ACSBG2: variants seen among roughly 807,000 people sequenced by gnomAD.
The protein encoded by ACSBG2 is acyl-CoA synthetase bubblegum family member 2.
A neutral mutation model predicts 74.7 loss-of-function variants in ACSBG2; 62 were observed. That is an observed-to-expected ratio of 0.83 (90% CI 0.68 to 1.03). The LOEUF (loss-of-function observed/expected upper bound fraction) is 1.03. ACSBG2 is among the 50% of genes least tolerant of loss of function. The pLI is 0.00. For missense variants in ACSBG2, 730 were observed against 817.6 expected (o/e 0.89, Z 1.31); for synonymous variants, 309 against 294.1 (o/e 1.05, Z -0.52).
chr19:6,156,069 C>T (rs977974305), intron 4 of ACSBG2, among the ~76,000 whole-genome samples: 4 of 152,032 alleles, frequency 2.6e-5, no homozygotes, highest in African/African-American at 7.2e-5. Flanking sequence ...CCTGCAAGCA[C>T]AAAAGGCTGT....
intron 13 of ACSBG2, chr19:6,190,286 T>C: frequency 3.4e-6 from 1 of 298,266 alleles, no homozygotes; most frequent in Non-Finnish European, 6.6e-6. Flanking sequence ...AAAATGGGGA[T>C]AGGGGTATGG....
chr19:6,182,736 CTTCG>C lies in ACSBG2; in HGVS notation c.907-11_907-8del, dbSNP rs2090294273. On this transcript the variant is annotated splice_polypyrimidine_tract_variant and intron_variant, in intron 8 of 14. Coordinates refer to ENST00000588485, the MANE Select transcript of ACSBG2 (RefSeq NM_030924.5). ...GAAGGCCCTGCTGTGGCTAACCTAG[CTTCG>C]TTCCATACAGGGCACCTTGGTAAGT... The C allele has an allele frequency of 6.2e-7, 1 of 1,611,876 alleles. No homozygotes were observed. The highest frequency in any genetic ancestry group is 8.5e-7 in the Non-Finnish European group (1 of 1,178,676).
Position 6,182,924 on chromosome 19 carries a change from G to C in ACSBG2, c.1080G>C (p.Lys360Asn). 2 of 1,614,154 alleles carry C rather than the reference G, an allele frequency of 1.2e-6. No homozygotes were observed. The highest frequency in any genetic ancestry group is 1.7e-6 in the Non-Finnish European group (2 of 1,179,990). The change falls in exon 9 of 15, where the codon AAG becomes AAC. Residue 360 changes from lysine to asparagine, a missense_variant. Physicochemically the swap from Lys to Asn is moderately conservative, Grantham distance 94 (BLOSUM62 0). Transcript: ENST00000588485. ...RNIGFKVNSK[K>N]MLGKYNTPVS... The stretch of plus-strand genomic sequence containing the variant: ...TTGGCTTCAAGGTCAACTCAAAAAA[G>C]ATGTTGGGGTAGGTGGAGCATCCAG...
chr19:6,191,735 A>T (rs552240045), intron 14 of ACSBG2: 1 of 152,288 alleles, frequency 6.6e-6, no homozygotes, highest in Non-Finnish European at 1.5e-5. Context: ...TCAACATGTG[A>T]ATTGTGGAGG....
chr19:6,177,389 C>A lies in ACSBG2; in HGVS notation c.899C>A (p.Ala300Asp), dbSNP rs2090115919. Residue 300 changes from alanine to aspartate, a missense_variant, in exon 8 of 15, where the codon GCT becomes GAT. Coordinates refer to ENST00000588485, the MANE Select transcript of ACSBG2 (RefSeq NM_030924.5). Reference sequence around the variant, plus strand: ...CTCACATACTTTGCTCAAGCAGATGCTCTCAAGGTAAGATTGAGTAAGGAC... The same window carrying A: ...CTCACATACTTTGCTCAAGCAGATGATCTCAAGGTAAGATTGAGTAAGGAC... Reference protein sequence around the residue: ...GALTYFAQADALKGTLVSTLK... With the variant: ...GALTYFAQADDLKGTLVSTLK... The A allele has an allele frequency of 6.3e-7, 1 of 1,597,518 alleles. No homozygotes were observed. The highest frequency in any genetic ancestry group is 8.5e-7 in the Non-Finnish European group (1 of 1,172,396).
At chr19:6,136,796 C>T (rs1005851973) in intron 1 of ACSBG2, among the ~76,000 whole-genome samples, 1 of 151,966 alleles carries the variant, frequency 6.6e-6, no homozygotes, top group Non-Finnish European at 1.5e-5. Flanking sequence ...TTACTAGTAA[C>T]TTACAAGTCC....
intron 8 of ACSBG2, among the ~76,000 whole-genome samples, chr19:6,178,352 C>G (rs528491482): frequency 6.6e-6 from 1 of 151,816 alleles, no homozygotes; most frequent in East Asian, 1.9e-4. Flanking sequence ...CAATAGTCTC[C>G]AAATGTTCAA....
chr19:6,146,776 AC>A (rs1353525223), intron 2 of ACSBG2, among the ~76,000 whole-genome samples: 2 of 149,348 alleles, frequency 1.3e-5, no homozygotes, highest in African/African-American at 4.9e-5. Flanking sequence ...AAAAACAAAA[AC>A]AAAACAAAAC....
At chr19:6,158,844 G>A (rs1397625823) in intron 5 of ACSBG2, among the ~76,000 whole-genome samples, 1 of 152,090 alleles carries the variant, frequency 6.6e-6, no homozygotes, top group Non-Finnish European at 1.5e-5. Flanking sequence ...TCTCCTGCCT[G>A]GCTTCCTTTG....
chr19:6,182,530 A>G (rs1329232380), intron 8 of ACSBG2, among the ~76,000 whole-genome samples: 1 of 152,164 alleles, frequency 6.6e-6, no homozygotes, highest in Non-Finnish European at 1.5e-5. Context: ...ACCTTCCAAA[A>G]ATATTTTACC....
chr19:6,156,284 T>G (rs1021324402), intron 4 of ACSBG2, 147 bp from the exon 5 acceptor site: 16 of 755,760 alleles, frequency 2.1e-5, no homozygotes, highest in Non-Finnish European at 2.8e-5. Context: ...GTCTTCATCA[T>G]TGTTAAGTTG....
Position 6,183,086 on chromosome 19 carries a change from T to C in ACSBG2, c.1136T>C (p.Phe379Ser), listed in dbSNP as rs1404639860. Residue 379 changes from phenylalanine to serine, a missense_variant, in exon 10 of 15, where the codon TTC becomes TCC. By Grantham distance (155) the Phe-to-Ser change is radical. Coordinates refer to ENST00000588485, the MANE Select transcript of ACSBG2 (RefSeq NM_030924.5). ...VSYRMAKTLV[F>S]SKVKTSLGLD... ...TACCGCATGGCTAAGACTCTCGTGT[T>C]CAGCAAAGTCAAGACATCCCTTGGC... is the stretch of plus-strand genomic sequence containing the variant. 1 of 1,614,206 alleles carries C rather than the reference T, an allele frequency of 6.2e-7. No homozygotes were observed. The highest frequency in any genetic ancestry group is 1.7e-5 in the Admixed American group (1 of 60,022).
At chr19:6,154,168 G>A (rs1171118880) in intron 4 of ACSBG2, among the ~76,000 whole-genome samples, 1 of 151,566 alleles carries the variant, frequency 6.6e-6, no homozygotes, top group African/African-American at 2.4e-5. Context: ...CTTTGGGAGT[G>A]GAACACCTGA....
chr19:6,167,135 G>A (rs1413436987), intron 7 of ACSBG2, among the ~76,000 whole-genome samples: 14 of 152,158 alleles, frequency 9.2e-5, no homozygotes, highest in Non-Finnish European at 1.5e-5. Context: ...TTTAAATGAA[G>A]AATTTCTATA....
chr19:6,156,786 ATT>A (rs113271517), intron 5 of ACSBG2, among the ~76,000 whole-genome samples: 7,890 of 128,440 alleles, frequency 0.061, 524 homozygotes, highest in African/African-American at 0.2. Flanking sequence ...CTCAGCCTCC[ATT>A]TTTTTTTTTT....
intron 5 of ACSBG2, among the ~76,000 whole-genome samples, chr19:6,158,060 CTTT>C (rs11359693): frequency 3.0e-5 from 4 of 132,394 alleles, no homozygotes; most frequent in South Asian, 2.4e-4. Flanking sequence ...CTTTTTTTTT[CTTT>C]TTTTTTTTTT....
chr19:6,149,804 G>A (rs2089169974), intron 3 of ACSBG2, among the ~76,000 whole-genome samples: 1 of 144,190 alleles, frequency 6.9e-6, no homozygotes, highest in South Asian at 2.1e-4. Context: ...CACCACACCT[G>A]GCCTCAAGAG....
At chr19:6,184,252 G>A (rs1187901056) in intron 10 of ACSBG2, among the ~76,000 whole-genome samples, 1 of 152,046 alleles carries the variant, frequency 6.6e-6, no homozygotes, top group African/African-American at 2.4e-5. Context: ...TTTCATATGA[G>A]TTACAAATAT....
At chr19:6,143,835 C>T (rs970276376) in intron 2 of ACSBG2, among the ~76,000 whole-genome samples, 11 of 152,120 alleles carry the variant, frequency 7.2e-5, no homozygotes, top group Non-Finnish European at 1.2e-4. Flanking sequence ...CTAGGCTTCC[C>T]TTGTTGTAAG....
Sources: allele counts gnomAD v4.1 joint callset (sites outside exome capture counted in the v4.1 genomes callset), GRCh38; gene constraint gnomAD v4.1.1; transcripts MANE v1.5; gene names NCBI Gene and HGNC (gene_info 2026-07-23, HGNC 2026-07-21).